RSPH14: variants seen among roughly 807,000 people sequenced by gnomAD.
RSPH14 encodes rhabdoid tumor deletion region gene 1.
A neutral mutation model predicts 26.7 loss-of-function variants in RSPH14; 20 were observed. The ratio of observed to expected loss-of-function variants is 0.75; its 90% CI spans 0.53 to 1.09. The LOEUF is 1.09. RSPH14 is among the 50% of genes least tolerant of loss of function. The pLI, the probability that RSPH14 is intolerant of heterozygous loss-of-function variation, is 0.00. For synonymous variants in RSPH14, 177 were observed against 189.3 expected (o/e 0.93, Z 0.53); for missense variants, 449 against 457.2 (o/e 0.98, Z 0.16).
chr22:23,079,107 A>T lies in RSPH14; in HGVS notation c.422-14974T>A, dbSNP rs927180986. On this transcript the variant is annotated intron_variant, in intron 4 of 6. Transcript: ENST00000216036. ...GGGCACATGGGATACATCAATGAAC[A>T]AACAGACCAACAGTCCCTGCCCTAT... Among the ~76,000 whole-genome samples the T allele has an allele frequency of 5.9e-5, 9 of 152,214 alleles. No homozygotes were observed. The South Asian group carries it at 1.9e-3, about 31-fold the overall frequency.
intron 4 of RSPH14, among the ~76,000 whole-genome samples, chr22:23,087,826 A>G (rs1224426260): frequency 3.9e-5 from 6 of 152,228 alleles, no homozygotes; most frequent in African/African-American, 1.2e-4. Context: ...TGATCCATCA[A>G]GTGCAGGGTC....
At chr22:23,165,857 T>C in the RSPH14 span, among the ~76,000 whole-genome samples, 1 of 152,074 alleles carries the variant, frequency 6.6e-6, no homozygotes, top group Non-Finnish European at 1.5e-5. Context: ...TAAAAAGGAC[T>C]GTTTCCAGGC....
intron 4 of RSPH14, among the ~76,000 whole-genome samples, chr22:23,078,735 A>G (rs2068581294): frequency 6.6e-6 from 1 of 152,164 alleles, no homozygotes; most frequent in African/African-American, 2.4e-5. Context: ...GGTGAGGGCC[A>G]GGGCTTCTAA....
upstream of RSPH14, chr22:23,142,168 G>T: frequency 3.2e-6 from 1 of 313,004 alleles, no homozygotes; most frequent in Non-Finnish European, 4.6e-6. Flanking sequence ...AGGCAGCTCA[G>T]CTTTGTTCAA....
intron 4 of RSPH14, among the ~76,000 whole-genome samples, chr22:23,107,962 G>C (rs980800908): frequency 6.6e-6 from 1 of 152,248 alleles, no homozygotes; most frequent in Admixed American, 6.5e-5. Flanking sequence ...GGCCCAGCCC[G>C]AGTCCCTTCA....
chr22:23,153,984 C>T, the RSPH14 span, among the ~76,000 whole-genome samples: 4 of 152,086 alleles, frequency 2.6e-5, no homozygotes, highest in African/African-American at 4.8e-5. Flanking sequence ...CCACCGTACC[C>T]GGCCCACTTC....
At chr22:23,172,899 G>A in the RSPH14 span, among the ~76,000 whole-genome samples, 2 of 150,972 alleles carry the variant, frequency 1.3e-5, no homozygotes, top group African/African-American at 2.4e-5. Flanking sequence ...GCAGTGAGCC[G>A]AGATCGCCCC....
chr22:23,094,277 G>A (rs1044748754), intron 4 of RSPH14, among the ~76,000 whole-genome samples: 5 of 152,148 alleles, frequency 3.3e-5, no homozygotes, highest in Non-Finnish European at 5.9e-5. Context: ...GCTCACAGCC[G>A]GGGAAGAAGC....
chr22:23,179,034 T>C, the RSPH14 span, among the ~76,000 whole-genome samples: 1 of 152,048 alleles, frequency 6.6e-6, no homozygotes, highest in Non-Finnish European at 1.5e-5. Context: ...AAACTGAGGC[T>C]CAGAGAGGCT....
At chr22:23,146,701 G>A (rs181504494), upstream of RSPH14, 74 of 1,612,982 alleles carry the variant, frequency 4.6e-5, no homozygotes, top group Admixed American at 4.0e-4. Flanking sequence ...GAGTCATTAC[G>A]TCTGCAGTGC....
the RSPH14 span, chr22:23,160,901 C>T: frequency 1.2e-6 from 2 of 1,613,858 alleles, no homozygotes; most frequent in Middle Eastern, 1.7e-4. Flanking sequence ...AGGCATTCTT[C>T]AGCCGCGTAG....
intron 4 of RSPH14, chr22:23,095,725 A>G (rs1256269572): frequency 6.2e-7 from 1 of 1,610,548 alleles, no homozygotes; most frequent in Non-Finnish European, 8.5e-7. Context: ...CAGAGGAAAA[A>G]GAAGCAGCCC....
chr22:23,124,893 C>T (rs13407), intron 4 of RSPH14: 74,007 of 152,606 alleles, frequency 0.48, 18,586 homozygotes, highest in Middle Eastern at 0.57. Flanking sequence ...TCCCTCTCTC[C>T]GTGCAGTAGC....
At chr22:23,153,655 C>T in the RSPH14 span, 1 of 962,108 alleles carries the variant, frequency 1.0e-6, no homozygotes. Flanking sequence ...GCAGCCTTCA[C>T]TCCCTCTCCC....
upstream of RSPH14, among the ~76,000 whole-genome samples, chr22:23,146,895 G>A (rs142136960): frequency 4.0e-4 from 61 of 152,308 alleles, no homozygotes; most frequent in African/African-American, 1.4e-3. Flanking sequence ...TGGCCTGGAG[G>A]TTATAAGGGC....
chr22:23,161,855 TCAGA>T, the RSPH14 span: 2 of 421,328 alleles, frequency 4.7e-6, no homozygotes, highest in Non-Finnish European at 8.7e-6. Context: ...TGCAGGGTCA[TCAGA>T]CAGTCACCTT....
upstream of RSPH14, among the ~76,000 whole-genome samples, chr22:23,147,321 G>A (rs1361601227): frequency 1.3e-5 from 2 of 151,848 alleles, no homozygotes; most frequent in African/African-American, 4.8e-5. Flanking sequence ...CTAAGATCCA[G>A]CCATTCTGTT....
At chr22:23,073,193 AG>A (rs1033464382) in intron 4 of RSPH14, among the ~76,000 whole-genome samples, 4 of 152,208 alleles carry the variant, frequency 2.6e-5, no homozygotes, top group African/African-American at 4.8e-5. Context: ...GGCACACTGG[AG>A]GAGGCAGGTC....
At chr22:23,145,285 T>C, upstream of RSPH14, 2 of 766,790 alleles carry the variant, frequency 2.6e-6, no homozygotes, top group Non-Finnish European at 4.0e-6. Context: ...CTTGTTGTCA[T>C]GGTGATCTCC....
Sources: gnomAD v4.1 joint callset for allele counts (sites outside exome capture counted in the v4.1 genomes callset) on GRCh38, gnomAD v4.1.1 for gene constraint, MANE v1.5 for transcripts, NCBI Gene and HGNC (gene_info 2026-07-23, HGNC 2026-07-21) for gene names.